CDH4: variants seen among roughly 807,000 people sequenced by gnomAD.
CDH4 encodes the protein cadherin-4.
In CDH4, 33 loss-of-function variants were observed where a neutral mutation model predicts 86.0. The observed-to-expected ratio is 0.38, with a 90% CI of 0.29 to 0.51. CDH4 has a LOEUF of 0.51. Among genes scored for constraint, CDH4 ranks in the 20% least tolerant of loss-of-function variants. The pLI, the probability that CDH4 is intolerant of heterozygous loss-of-function variation, is 0.86. For missense variants in CDH4, 1,114 were observed against 1,307.4 expected (o/e 0.85, Z 2.28); for synonymous variants, 555 against 549.4 (o/e 1.01, Z -0.14).
intron 2 of CDH4, among the ~76,000 whole-genome samples, chr20:61,490,591 C>G (rs1048254429): frequency 6.6e-5 from 10 of 151,852 alleles, no homozygotes; most frequent in Admixed American, 6.6e-4. Context: ...CCCAGCTACT[C>G]GGGAGGCTGA....
At chr20:61,539,717 T>G (rs1282709775) in intron 2 of CDH4, among the ~76,000 whole-genome samples, 1 of 152,214 alleles carries the variant, frequency 6.6e-6, no homozygotes, top group Admixed American at 6.5e-5. Flanking sequence ...AAGCATTGGC[T>G]TGGGGCTCCT....
Position 61,858,325 on chromosome 20 carries a change from C to CTGTG in CDH4, c.877+5430_877+5431insGTGT, listed in dbSNP as rs1555849382. Among the ~76,000 whole-genome samples, 190 of 145,826 alleles carry CTGTG rather than the reference C, an allele frequency of 1.3e-3. 1 individual carries two copies. Among genetic ancestry groups the CTGTG allele is most frequent in the African/African-American group, 4.0e-3 (155 of 38,992 alleles). Reference sequence around the variant, plus strand: ...TCTGTGTCTGTATGTGTGTCTGTGTCTGTCTGTGTCTGTATCTGCGTATGT... The same window carrying CTGTG: ...TCTGTGTCTGTATGTGTGTCTGTGTCTGTGTGTCTGTGTCTGTATCTGCGTATGT... On this transcript the variant is annotated intron_variant, in intron 6 of 15. Coordinates refer to ENST00000614565, the MANE Select transcript of CDH4 (RefSeq NM_001794.5).
At chr20:61,812,668 T>C (rs1412412336) in intron 4 of CDH4, among the ~76,000 whole-genome samples, 1 of 152,250 alleles carries the variant, frequency 6.6e-6, no homozygotes, top group Non-Finnish European at 1.5e-5. Flanking sequence ...TGCAGTTATG[T>C]AGAAGATTGC....
intron 2 of CDH4, among the ~76,000 whole-genome samples, chr20:61,415,384 ATTTAACCAT>A (rs1394449559): frequency 6.6e-6 from 1 of 152,244 alleles, no homozygotes; most frequent in Non-Finnish European, 1.5e-5. Context: ...TATTTACAAA[ATTTAACCAT>A]TTTAACCATT....
chr20:61,601,154 G>A (rs1026454438), intron 2 of CDH4, among the ~76,000 whole-genome samples: 2 of 152,192 alleles, frequency 1.3e-5, no homozygotes, highest in Admixed American at 6.5e-5. Context: ...AGGCCTCAGG[G>A]AGCTTTTACT....
rs1232134071 is a variant in CDH4, at chr20:61,459,020, C to A, written c.169+204083C>A. On this transcript the variant is annotated intron_variant, in intron 2 of 15. Coordinates refer to ENST00000614565, the MANE Select transcript of CDH4 (RefSeq NM_001794.5). ...TCCAGCCTCTGAGCCCTGGCATTGTCTATTCTGTCTGGAGGCTTCTCATCC... is the reference window on the plus strand; with the variant it reads ...TCCAGCCTCTGAGCCCTGGCATTGTATATTCTGTCTGGAGGCTTCTCATCC... Among the ~76,000 whole-genome samples the A allele has an allele frequency of 2.0e-5, 3 of 149,904 alleles. No individual in the cohort carries two copies. The East Asian group carries it at 5.9e-4, about 29-fold the overall frequency.
Position 61,337,006 on chromosome 20 carries a change from T to C in CDH4, c.169+82069T>C, listed in dbSNP as rs1271835945. 3.3e-5 allele frequency among the ~76,000 whole-genome samples: 5 copies of C among 152,262 alleles called. No homozygotes were observed. In the East Asian group the frequency reaches 7.8e-4, roughly 24 times the overall value. ...AATGACATGCCTCTTCTCTGTGTCA[T>C]AGCTCCCTCTCACTGTGAGGTTCAC... On this transcript the variant is annotated intron_variant, in intron 2 of 15. Coordinates refer to ENST00000614565, the MANE Select transcript of CDH4 (RefSeq NM_001794.5).
chr20:61,751,622 G>A (rs1463747809), intron 3 of CDH4, among the ~76,000 whole-genome samples: 1 of 152,144 alleles, frequency 6.6e-6, no homozygotes, highest in East Asian at 1.9e-4. Flanking sequence ...GTAGCCCACA[G>A]GCCTTTTATG....
chr20:61,935,110 G>C (rs1467995891), intron 15 of CDH4, among the ~76,000 whole-genome samples: 1 of 152,184 alleles, frequency 6.6e-6, no homozygotes, highest in Non-Finnish European at 1.5e-5. Flanking sequence ...TGGCTCTGCA[G>C]GGATCACGGT....
chr20:61,897,322 C>T (rs925700521), intron 8 of CDH4, among the ~76,000 whole-genome samples: 2 of 152,150 alleles, frequency 1.3e-5, no homozygotes, highest in Non-Finnish European at 2.9e-5. Context: ...CCCTACCCCT[C>T]ATCTCTGGTC....
intron 2 of CDH4, among the ~76,000 whole-genome samples, chr20:61,333,803 C>T (rs537022889): frequency 6.6e-6 from 1 of 152,356 alleles, no homozygotes; most frequent in East Asian, 1.9e-4. Flanking sequence ...TCTGGGAGAC[C>T]TGCTTTGGAA....
intron 10 of CDH4, 146 bp downstream of exon 10, chr20:61,923,850 GA>G: frequency 9.9e-7 from 1 of 1,013,730 alleles, no homozygotes; most frequent in Admixed American, 2.6e-5. Flanking sequence ...GTCCTTCCAG[GA>G]GGGAGCCGCA....
intron 2 of CDH4, among the ~76,000 whole-genome samples, chr20:61,322,038 A>G (rs1468652984): frequency 6.6e-6 from 1 of 152,140 alleles, no homozygotes; most frequent in East Asian, 1.9e-4. Context: ...ATGAAACCCC[A>G]TGCTTGAGGT....
chr20:61,616,354 T>C (rs1186502255), intron 2 of CDH4, among the ~76,000 whole-genome samples: 2 of 152,128 alleles, frequency 1.3e-5, no homozygotes, highest in Non-Finnish European at 2.9e-5. Flanking sequence ...CTGCAGCACC[T>C]TGGGGGACGT....
chr20:61,745,178 G>A (rs191870942), intron 3 of CDH4, among the ~76,000 whole-genome samples: 8 of 152,366 alleles, frequency 5.3e-5, no homozygotes, highest in East Asian at 1.9e-4. Flanking sequence ...GAAGTAAAGC[G>A]TTAAGCAGAG....
chr20:61,387,339 G>A (rs916406022), intron 2 of CDH4, among the ~76,000 whole-genome samples: 2 of 145,146 alleles, frequency 1.4e-5, no homozygotes, highest in African/African-American at 5.2e-5. Flanking sequence ...CACACACAGA[G>A]GCACACATAC....
chr20:61,257,160 T>G (rs919355199), intron 2 of CDH4, among the ~76,000 whole-genome samples: 22 of 152,208 alleles, frequency 1.4e-4, no homozygotes, highest in African/African-American at 5.3e-4. Flanking sequence ...CGAGTGAAGC[T>G]TCACAGAGTG....
chr20:61,565,178 G>T (rs113601053), intron 2 of CDH4, among the ~76,000 whole-genome samples: 3 of 67,490 alleles, frequency 4.4e-5, no homozygotes, highest in Non-Finnish European at 8.8e-5. Context: ...TGGGGTGGTG[G>T]TGGTGGTGGT....
At chr20:61,814,188 C>T (rs2146051993) in intron 4 of CDH4, among the ~76,000 whole-genome samples, 1 of 152,328 alleles carries the variant, frequency 6.6e-6, no homozygotes, top group Admixed American at 6.5e-5. Context: ...GAAAGGCCCA[C>T]TTTGTAGGCA....
Sources: gnomAD v4.1 joint callset for allele counts (sites outside exome capture counted in the v4.1 genomes callset) on GRCh38, gnomAD v4.1.1 for gene constraint, MANE v1.5 for transcripts, NCBI Gene and HGNC (gene_info 2026-07-23, HGNC 2026-07-21) for gene names.